METTL24: variants seen among roughly 807,000 people sequenced by gnomAD.
The protein encoded by METTL24 is probable methyltransferase-like protein 24.
In METTL24, 29 loss-of-function variants were observed where a neutral mutation model predicts 32.7. The observed-to-expected ratio is 0.89, with a 90% CI of 0.66 to 1.21. METTL24 has a LOEUF of 1.21. Ranked by LOEUF, METTL24 falls within the 50% of genes most tolerant of loss-of-function variation. METTL24 has a pLI of 0.00. For synonymous variants in METTL24, 163 were observed against 179.5 expected (o/e 0.91, Z 0.73); for missense variants, 439 against 468.1 (o/e 0.94, Z 0.57).
At chr6:110,318,491 A>G (rs1343126216) in intron 2 of METTL24, among the ~76,000 whole-genome samples, 1 of 151,936 alleles carries the variant, frequency 6.6e-6, no homozygotes, top group Admixed American at 6.6e-5. Context: ...TTACTAAAAA[A>G]AAACATACAA....
chr6:110,322,875 G>C lies in METTL24; in HGVS notation c.319-3C>G. 1.9e-6 allele frequency: 3 copies of C among 1,606,088 alleles called. No individual in the cohort carries two copies. The highest frequency in any genetic ancestry group is 2.2e-5 in the South Asian group (2 of 90,454). On this transcript the variant is annotated splice_region_variant and splice_polypyrimidine_tract_variant and intron_variant, in intron 1 of 4. Coordinates refer to ENST00000338882, the MANE Select transcript of METTL24 (RefSeq NM_001123364.3). ...AGATCTATATGCCACCGGGGACCCT[G>C]CAAGAGACAGAAAACATAGGTTGTG...
At position 110,322,912 on chromosome 6, in the gene METTL24, G is replaced by A. The variant is rs541554170; in HGVS notation, c.319-40C>T. ...AAACATAGGTTGTGTGTAAGGAAGA[G>A]GAACTGGGTGGGAGGAGAAGGACAC... On this transcript the variant is annotated intron_variant, in intron 1 of 4. Transcript: ENST00000338882. 1.2e-5 allele frequency: 13 copies of A among 1,082,044 alleles called. No individual in the cohort carries two copies. In the South Asian group the frequency reaches 1.5e-4, roughly 12 times the overall value. 67.0% of individuals were successfully genotyped at this position (1,082,044 alleles called of 1,614,324 possible).
At chr6:110,349,088 C>T (rs546059406) in intron 1 of METTL24, among the ~76,000 whole-genome samples, 2 of 152,266 alleles carry the variant, frequency 1.3e-5, no homozygotes, top group African/African-American at 4.8e-5. Context: ...TCCCAAACAG[C>T]GAACGTGAAA....
intron 1 of METTL24, among the ~76,000 whole-genome samples, chr6:110,333,421 T>C (rs980479878): frequency 6.6e-6 from 1 of 152,134 alleles, no homozygotes; most frequent in Non-Finnish European, 1.5e-5. Flanking sequence ...TTGTATTTTA[T>C]TGGCATATTT....
rs1466472603 is a variant in METTL24 at position 110,253,800 on chromosome 6, G to A, written c.787-7540C>T. On this transcript the variant is annotated intron_variant, in intron 4 of 4. Transcript: ENST00000338882. Reference sequence around the variant, plus strand: ...TTCTACAAAATTGAAATTATCCTATGTTTTCAAATCTGCTTTTTAACATAA... The same window carrying A: ...TTCTACAAAATTGAAATTATCCTATATTTTCAAATCTGCTTTTTAACATAA... 8 of 1,062,118 alleles carry A rather than the reference G, an allele frequency of 7.5e-6. No homozygotes were observed. In the East Asian group the frequency reaches 2.5e-4, roughly 33 times the overall value. The allele number at this position is 1,062,118 out of a possible 1,614,324, so 65.8% of individuals were successfully genotyped here. A position where few individuals can be genotyped will look rare whatever the true frequency, so the allele number is the denominator to read the frequency against.
intron 4 of METTL24, among the ~76,000 whole-genome samples, chr6:110,269,108 AT>A (rs967885727): frequency 1.3e-5 from 2 of 152,160 alleles, no homozygotes; most frequent in Non-Finnish European, 2.9e-5. Flanking sequence ...AGGGACAGTA[AT>A]TTGGGAAGCG....
At chr6:110,338,200 T>C (rs1303513521) in intron 1 of METTL24, among the ~76,000 whole-genome samples, 1 of 152,190 alleles carries the variant, frequency 6.6e-6, no homozygotes, top group Non-Finnish European at 1.5e-5. Context: ...TAAATTATTA[T>C]AAACCCTACA....
chr6:110,336,738 C>CAAA (rs57378153), intron 1 of METTL24, among the ~76,000 whole-genome samples: 2 of 131,404 alleles, frequency 1.5e-5, no homozygotes, highest in Admixed American at 7.7e-5. Flanking sequence ...GACTCCGCCT[C>CAAA]AAAAAAAAAA....
At chr6:110,324,213 T>G (rs1160453577) in intron 1 of METTL24, among the ~76,000 whole-genome samples, 2 of 152,204 alleles carry the variant, frequency 1.3e-5, no homozygotes, top group Non-Finnish European at 2.9e-5. Context: ...CAAGGGTTAT[T>G]CAGTTTTGGC....
chr6:110,329,424 A>G (rs140772539), intron 1 of METTL24, among the ~76,000 whole-genome samples: 30 of 139,218 alleles, frequency 2.2e-4, no homozygotes, highest in African/African-American at 7.2e-4. Context: ...TTTTGCTGCA[A>G]TTTTGTGCTA....
intron 4 of METTL24, among the ~76,000 whole-genome samples, chr6:110,279,246 A>G (rs1256786789): frequency 6.6e-6 from 1 of 152,214 alleles, no homozygotes; most frequent in Non-Finnish European, 1.5e-5. Flanking sequence ...CAAAAATTTC[A>G]AAGTGTTTGG....
At chr6:110,253,202 C>A (rs1778315907) in intron 4 of METTL24, among the ~76,000 whole-genome samples, 1 of 152,058 alleles carries the variant, frequency 6.6e-6, no homozygotes, top group South Asian at 2.1e-4. Flanking sequence ...GCAGAGAGAC[C>A]AATAAAGAGG....
intron 4 of METTL24, among the ~76,000 whole-genome samples, chr6:110,269,835 TAGA>T (rs1342488917): frequency 6.6e-6 from 1 of 152,018 alleles, no homozygotes; most frequent in African/African-American, 2.4e-5. Flanking sequence ...AAGAAGGAGG[TAGA>T]AGAAGAGCAT....
intron 3 of METTL24, among the ~76,000 whole-genome samples, chr6:110,300,422 C>CTTTT (rs56017770): frequency 1.5e-5 from 2 of 133,262 alleles, no homozygotes; most frequent in African/African-American, 5.8e-5. Context: ...CCGAGACATG[C>CTTTT]TTTTTTTTTT....
chr6:110,268,676 T>C (rs1201267326), intron 4 of METTL24, among the ~76,000 whole-genome samples: 1 of 152,130 alleles, frequency 6.6e-6, no homozygotes, highest in African/African-American at 2.4e-5. Flanking sequence ...TTTAGAGTAA[T>C]GACATTGCCA....
chr6:110,315,304 T>G, intron 3 of METTL24, 38 bp downstream of exon 3: 2 of 1,612,064 alleles, frequency 1.2e-6, no homozygotes, highest in Non-Finnish European at 1.7e-6. Flanking sequence ...CCTGAAGCAG[T>G]GTTTGTGTTT....
At chr6:110,322,954 C>T in intron 1 of METTL24, 82 bp from the exon 2 acceptor site, 1 of 1,129,088 alleles carries the variant, frequency 8.9e-7, no homozygotes, top group Non-Finnish European at 1.3e-6. Flanking sequence ...AGAGAGGAAG[C>T]AAGGCTGCTT....
intron 3 of METTL24, among the ~76,000 whole-genome samples, chr6:110,307,218 AGG>A (rs34598575): frequency 2.0e-5 from 3 of 152,240 alleles, no homozygotes; most frequent in Admixed American, 6.5e-5. Context: ...ACTGGACACC[AGG>A]GACAAATGGA....
chr6:110,300,950 G>T (rs138841484), intron 3 of METTL24, among the ~76,000 whole-genome samples: 1 of 152,168 alleles, frequency 6.6e-6, no homozygotes, highest in Admixed American at 6.5e-5. Context: ...GATGTGCATT[G>T]GTTATATACA....
Sources: gnomAD v4.1 joint callset for allele counts (sites outside exome capture counted in the v4.1 genomes callset) on GRCh38, gnomAD v4.1.1 for gene constraint, MANE v1.5 for transcripts, NCBI Gene and HGNC (gene_info 2026-07-23, HGNC 2026-07-21) for gene names.